The following FRAS1 variants were observed in gnomAD, a reference collection of about 807,000 sequenced individuals.
FRAS1 encodes Fraser extracellular matrix complex subunit 1, also known as extracellular matrix organizing protein FRAS1.
Under a neutral mutation model 435.2 loss-of-function variants are expected in FRAS1, and 290 were observed. The ratio of observed to expected loss-of-function variants is 0.67; its 90% CI spans 0.61 to 0.73. The LOEUF is 0.73. Ranked by LOEUF, FRAS1 falls within the 30% of genes least tolerant of loss-of-function variation. The pLI, the probability that FRAS1 is intolerant of heterozygous loss-of-function variation, is 0.00. For synonymous variants in FRAS1, 1,800 were observed against 1,851.0 expected (o/e 0.97, Z 0.71); for missense variants, 4,860 against 5,001.5 (o/e 0.97, Z 0.85).
intron 38 of FRAS1, among the ~76,000 whole-genome samples, chr4:78,435,242 G>A (rs1365199081): frequency 6.6e-6 from 1 of 152,130 alleles, no homozygotes; most frequent in Non-Finnish European, 1.5e-5. Flanking sequence ...CTCCAGGGTG[G>A]ATGACAGAGC....
chr4:78,456,141 T>TTTCTTTTC (rs1719189302), intron 47 of FRAS1, among the ~76,000 whole-genome samples: 1 of 106,648 alleles, frequency 9.4e-6, no homozygotes, highest in Non-Finnish European at 1.7e-5. Flanking sequence ...CATGTCACTT[T>TTTCTTTTC]TTTTTTTTTT....
intron 2 of FRAS1, among the ~76,000 whole-genome samples, chr4:78,155,523 A>G (rs1406088354): frequency 6.6e-6 from 1 of 152,194 alleles, no homozygotes; most frequent in Non-Finnish European, 1.5e-5. Flanking sequence ...TAGAACTATT[A>G]TTTCTGTTGT....
At chr4:78,258,760 G>A (rs1725923850) in intron 6 of FRAS1, among the ~76,000 whole-genome samples, 1 of 145,586 alleles carries the variant, frequency 6.9e-6, no homozygotes, top group Admixed American at 6.9e-5. Flanking sequence ...CAATGTGCAG[G>A]TTAGTTACAT....
rs1023670743 is a variant in FRAS1, at chr4:78,356,459, G to A, written c.2423-7054G>A. ...TCTGAGAACTGACCATGAGTGAAAA[G>A]GTCTTCCCCAGTCATGCAAAGAGAA... On this transcript the variant is annotated intron_variant, in intron 20 of 73. Coordinates refer to ENST00000512123, the MANE Select transcript of FRAS1 (RefSeq NM_025074.7). Among the ~76,000 whole-genome samples the A allele has an allele frequency of 5.9e-5, 9 of 152,000 alleles. No individual in the cohort carries two copies. The East Asian group carries it at 9.6e-4, about 16-fold the overall frequency.
At chr4:78,111,877 G>C (rs1225475078) in intron 2 of FRAS1, among the ~76,000 whole-genome samples, 1 of 151,694 alleles carries the variant, frequency 6.6e-6, no homozygotes, top group Non-Finnish European at 1.5e-5. Context: ...ACACATAGGA[G>C]AATAATATGA....
intron 70 of FRAS1, among the ~76,000 whole-genome samples, chr4:78,529,209 A>G (rs926680459): frequency 6.6e-6 from 1 of 152,158 alleles, no homozygotes; most frequent in Non-Finnish European, 1.5e-5. Context: ...AGGAAGCACC[A>G]TAGTTAGCCG....
intron 23 of FRAS1, among the ~76,000 whole-genome samples, chr4:78,371,847 CA>C (rs1731525608): frequency 6.6e-6 from 1 of 152,208 alleles, no homozygotes; most frequent in Admixed American, 6.5e-5. Context: ...ATAATATTCA[CA>C]ATAACAAGTA....
intron 2 of FRAS1, among the ~76,000 whole-genome samples, chr4:78,156,898 C>G (rs28409486): frequency 0.16 from 23,866 of 152,114 alleles, 2,060 homozygotes; most frequent in Non-Finnish European, 0.19. Context: ...CATGTCCTTT[C>G]CAGTGCACTG....
At chr4:78,274,334 A>G (rs1306241936) in intron 9 of FRAS1, among the ~76,000 whole-genome samples, 5 of 151,928 alleles carry the variant, frequency 3.3e-5, no homozygotes, top group African/African-American at 1.2e-4. Context: ...CTGTGATCTT[A>G]GTTATTTCTT....
At chr4:78,529,954 C>T (rs577699957) in intron 70 of FRAS1, among the ~76,000 whole-genome samples, 2 of 152,200 alleles carry the variant, frequency 1.3e-5, no homozygotes, top group East Asian at 3.9e-4. Flanking sequence ...AGGGGGGAAC[C>T]ACTGTATATA....
rs183358384 is a variant in FRAS1 at position 78,148,956 on chromosome 4, T to C, written c.108+82940T>C. Among the ~76,000 whole-genome samples, 5 of 152,326 alleles carry C rather than the reference T, an allele frequency of 3.3e-5. No individual in the cohort carries two copies. The East Asian group carries it at 9.6e-4, about 29-fold the overall frequency. On this transcript the variant is annotated intron_variant, in intron 2 of 73. Transcript: ENST00000512123. ...TTGGCAGCAGAAGGACCCCAAGAAA[T>C]AGTATTTTTTTAAAAAACTTTTGGA...
At chr4:78,136,285 A>C (rs1719915577) in intron 2 of FRAS1, among the ~76,000 whole-genome samples, 1 of 152,166 alleles carries the variant, frequency 6.6e-6, no homozygotes, top group African/African-American at 2.4e-5. Flanking sequence ...GAAACAGGAG[A>C]ACAGAGTGTT....
intron 34 of FRAS1, among the ~76,000 whole-genome samples, chr4:78,424,084 C>T (rs1733905824): frequency 6.6e-6 from 1 of 152,118 alleles, no homozygotes; most frequent in Admixed American, 6.5e-5. Flanking sequence ...CCGCATTCAC[C>T]GATTTGTAGG....
Position 78,333,298 on chromosome 4 carries a change from G to T in FRAS1, c.2164G>T (p.Ala722Ser), listed in dbSNP as rs1401662420. 6.2e-7 allele frequency: 1 copy of T among 1,610,204 alleles called. No homozygotes were observed. Among genetic ancestry groups the T allele is most frequent in the African/African-American group, 1.3e-5 (1 of 74,818 alleles). Reference sequence around the variant, plus strand: ...TTGCCACCAGTCCTGTTTCAGATGTGCAGGGAAAAGCCCACATAACTGCAC... The same window carrying T: ...TTGCCACCAGTCCTGTTTCAGATGTTCAGGGAAAAGCCCACATAACTGCAC... ...EACHQSCFRC[A>S]GKSPHNCTDC... The change falls in exon 19 of 74, where the codon GCA becomes TCA. Residue 722 changes from alanine to serine, a missense_variant. Physicochemically the swap from Ala to Ser is moderately conservative, Grantham distance 99 (BLOSUM62 1). Coordinates refer to ENST00000512123, the MANE Select transcript of FRAS1 (RefSeq NM_025074.7).
At position 78,541,709 on chromosome 4, in the gene FRAS1, G is replaced by A. The variant is rs1722059707; in HGVS notation, c.*585G>A. On this transcript the variant is annotated 3_prime_UTR_variant, in exon 74 of 74. Coordinates refer to ENST00000512123, the MANE Select transcript of FRAS1 (RefSeq NM_025074.7). ...CTTTTCCAGAGCCCTTTTTACCTGG[G>A]GATTTCAGTGTGCTTAAGTAAAATC... 1 of 152,082 alleles carries A rather than the reference G, an allele frequency of 6.6e-6. No individual in the cohort carries two copies. The highest frequency in any genetic ancestry group is 1.5e-5 in the Non-Finnish European group (1 of 68,030). 9.4% of individuals were successfully genotyped at this position (152,082 alleles called of 1,614,324 possible). A position where few individuals can be genotyped will look rare whatever the true frequency, so the allele number is the denominator to read the frequency against.
At chr4:78,210,325 G>A (rs920570222) in intron 2 of FRAS1, among the ~76,000 whole-genome samples, 1 of 152,214 alleles carries the variant, frequency 6.6e-6, no homozygotes. Flanking sequence ...ATACCTTGGT[G>A]ATAGCATGAA....
chr4:78,434,811 T>C (rs922693379), intron 38 of FRAS1, among the ~76,000 whole-genome samples: 8 of 152,194 alleles, frequency 5.3e-5, no homozygotes, highest in East Asian at 3.8e-4. Flanking sequence ...GCATGTCCCC[T>C]GGTCTAAATC....
chr4:78,511,551 C>A (rs1464077641), intron 64 of FRAS1, 45 bp downstream of exon 64: 2 of 1,364,588 alleles, frequency 1.5e-6, no homozygotes, highest in African/African-American at 1.4e-5. Context: ...TGAAGTGAAT[C>A]TCAGGTCTCC....
intron 5 of FRAS1, among the ~76,000 whole-genome samples, chr4:78,253,109 TCC>T (rs1437681007): frequency 6.6e-6 from 1 of 151,692 alleles, no homozygotes; most frequent in African/African-American, 2.4e-5. Context: ...TTTATAGACC[TCC>T]CCCCAGGAAT....
Sources: allele counts gnomAD v4.1 joint callset (sites outside exome capture counted in the v4.1 genomes callset), GRCh38; gene constraint gnomAD v4.1.1; transcripts MANE v1.5; gene names NCBI Gene and HGNC (gene_info 2026-07-23, HGNC 2026-07-21).